VPS26B: variants seen among roughly 807,000 people sequenced by gnomAD.
The protein encoded by VPS26B is vacuolar protein sorting-associated protein 26B.
In VPS26B, 10 loss-of-function variants were observed where a neutral mutation model predicts 33.3. The ratio of observed to expected loss-of-function variants is 0.30; its 90% CI spans 0.19 to 0.51. The LOEUF is 0.51. Among genes scored for constraint, VPS26B ranks in the 20% least tolerant of loss-of-function variants. The pLI is 0.98. For missense variants in VPS26B, 317 were observed against 452.7 expected, an observed-to-expected ratio of 0.70 and a Z score of 2.72; for synonymous variants, 190 against 176.9, an observed-to-expected ratio of 1.07 and a Z score of -0.59.
chr11:134,243,196 ACAT>A lies in VPS26B; in HGVS notation c.629_631del (p.Ile210del). 1 of 1,614,212 alleles carries A rather than the reference ACAT, an allele frequency of 6.2e-7. No homozygotes were observed. The highest frequency in any genetic ancestry group is 8.5e-7 in the Non-Finnish European group (1 of 1,180,026). ...ATCAAAATCAAGCACATGGAGATAG[ACAT>A]CATCAAGCGAGAAACGACGGGTACA... On this transcript the variant is annotated inframe_deletion, in exon 4 of 6. Coordinates refer to ENST00000281187, the MANE Select transcript of VPS26B (RefSeq NM_052875.5).
Position 134,240,387 on chromosome 11 carries a change from G to A in VPS26B, c.545+232G>A, listed in dbSNP as rs60873000. ...AACTAAACCATATTCAACTAAGGTG[G>A]TGTCTTTAAGTTAAACATCCTATGA... On this transcript the variant is annotated intron_variant, in intron 3 of 5. Transcript: ENST00000281187. The surrounding 1 kb of genome is among the most constrained non-coding windows in gnomAD (Gnocchi z 4.4). Among the ~76,000 whole-genome samples the A allele has an allele frequency of 9.0e-3, 1,364 of 152,318 alleles. 25 individuals carry two copies. Among genetic ancestry groups the A allele is most frequent in the African/African-American group, 0.032 (1,310 of 41,568 alleles).
In VPS26B at chr11:134,245,934, C is replaced by T; in HGVS notation, c.*344C>T. ...CATCCTTGGCTCCTGGCTCTCTGAG[C>T]TTCCTGATACAGGATCTGAGCATGT... On this transcript the variant is annotated 3_prime_UTR_variant, in exon 6 of 6. Transcript: ENST00000281187. This position sits in a 1 kb window ranked among gnomAD's most constrained non-coding sequence, Gnocchi z 4.7. 1 of 254,728 alleles carries T rather than the reference C, an allele frequency of 3.9e-6. No individual in the cohort carries two copies. The highest frequency in any genetic ancestry group is 7.8e-6 in the Non-Finnish European group (1 of 128,712). The allele number at this position is 254,728 out of a possible 1,614,324, so 15.8% of individuals were successfully genotyped here. A position where few individuals can be genotyped will look rare whatever the true frequency, so the allele number is the denominator to read the frequency against.
chr11:134,245,810 G>C lies in VPS26B; in HGVS notation c.*220G>C, dbSNP rs938409324. ...GGGATTCTGCGGCCGATGTGGGATA[G>C]AAGAGGTAGCATCCTGGAAGCCAGC... On this transcript the variant is annotated 3_prime_UTR_variant, in exon 6 of 6. Coordinates refer to ENST00000281187, the MANE Select transcript of VPS26B (RefSeq NM_052875.5). The surrounding 1 kb of genome is among the most constrained non-coding windows in gnomAD (Gnocchi z 4.7). 2 of 596,410 alleles carry C rather than the reference G, an allele frequency of 3.4e-6. No homozygotes were observed. The highest frequency in any genetic ancestry group is 5.7e-6 in the Non-Finnish European group (2 of 351,862). The allele number at this position is 596,410 out of a possible 1,614,324, so 36.9% of individuals were successfully genotyped here.
intron 2 of VPS26B, chr11:134,239,529 G>C (rs1458236227): frequency 5.6e-6 from 1 of 180,010 alleles, no homozygotes; most frequent in African/African-American, 2.4e-5. Flanking sequence ...TTTATTGATT[G>C]AATATTGTTC....
Position 134,232,977 on chromosome 11 carries a change from G to C in VPS26B, c.224-1920G>C, listed in dbSNP as rs148389219. 1.1e-4 allele frequency among the ~76,000 whole-genome samples: 17 copies of C among 152,216 alleles called. No individual in the cohort carries two copies. In the East Asian group the frequency reaches 3.3e-3, roughly 29 times the overall value. On this transcript the variant is annotated intron_variant, in intron 1 of 5. Transcript: ENST00000281187. ...ATATACTTCTGACTTTTATTGGGGG[G>C]GCACAATTACTGGATTGCTCACTTT... is the stretch of plus-strand genomic sequence containing the variant.
rs550971165 is a variant in VPS26B, at chr11:134,225,006, C to G, written c.-117C>G. The G allele has an allele frequency of 9.6e-4, 920 of 962,622 alleles. 4 individuals carry two copies. In the African/African-American group the frequency reaches 0.015, roughly 15 times the overall value. 59.6% of individuals were successfully genotyped at this position (962,622 alleles called of 1,614,324 possible). On this transcript the variant is annotated 5_prime_UTR_variant, in exon 1 of 6. Coordinates refer to ENST00000281187, the MANE Select transcript of VPS26B (RefSeq NM_052875.5). ...GGCGGCAGCGGCGGAGCCAGGCAGC[C>G]CCGCGGCGGCCGAGCGCGCTCGCGC...
rs1171486621 is a variant in VPS26B at position 134,243,353 on chromosome 11, A to C, written c.721+59A>C. The C allele has an allele frequency of 2.5e-6, 4 of 1,589,292 alleles. No homozygotes were observed. In the African/African-American group the frequency reaches 4.0e-5, roughly 16 times the overall value. ...GCTTTTCTCCCATGTCCTGCACAGA[A>C]TTCTGGAGGGGCTTGAGGGATTACA... On this transcript the variant is annotated intron_variant, in intron 4 of 5. Transcript: ENST00000281187.
At chr11:134,238,008 A>G (rs1938658074) in intron 2 of VPS26B, among the ~76,000 whole-genome samples, 1 of 152,220 alleles carries the variant, frequency 6.6e-6, no homozygotes, top group Non-Finnish European at 1.5e-5. Flanking sequence ...GCCTTTAGCT[A>G]GAGGGAGATT....
Position 134,240,087 on chromosome 11 carries a change from C to T in VPS26B, c.477C>T (p.Asn159=), listed in dbSNP as rs200432612. The T allele has an allele frequency of 6.2e-7, 1 of 1,614,168 alleles. No individual in the cohort carries two copies. The highest frequency in any genetic ancestry group is 2.2e-5 in the East Asian group (1 of 44,886). The part of the protein sequence containing the change: ...VHTLSTYPEL[N]SSIKMEVGIE... ...CACTCAGCACATACCCAGAGCTGAA[C>T]TCTTCCATCAAGATGGAGGTTGGGA... is the stretch of plus-strand genomic sequence containing the variant. The change falls in exon 3 of 6, where the codon AAC becomes AAT. Residue 159 remains asparagine (N), a synonymous_variant. Coordinates refer to ENST00000281187, the MANE Select transcript of VPS26B (RefSeq NM_052875.5). The surrounding 1 kb of genome is among the most constrained non-coding windows in gnomAD (Gnocchi z 4.4).
Position 134,245,683 on chromosome 11 carries a change from A to G in VPS26B, c.*93A>G. ...GGCGGGGGCGGACCTTGTGAGGCTC[A>G]GTTGACCCGTTACTTGCAACCTGAA... On this transcript the variant is annotated 3_prime_UTR_variant, in exon 6 of 6. Transcript: ENST00000281187. The surrounding 1 kb of genome is among the most constrained non-coding windows in gnomAD (Gnocchi z 4.7). The G allele has an allele frequency of 7.0e-7, 1 of 1,424,988 alleles. No homozygotes were observed. Among genetic ancestry groups the G allele is most frequent in the Non-Finnish European group, 9.3e-7 (1 of 1,072,378 alleles). The allele number at this position is 1,424,988 out of a possible 1,614,324, so 88.3% of individuals were successfully genotyped here.
At chr11:134,239,640 A>G in intron 2 of VPS26B, 1 of 296,694 alleles carries the variant, frequency 3.4e-6, no homozygotes. Flanking sequence ...ATACATGGTC[A>G]GTAGTGGTAA....
At chr11:134,237,932 G>C (rs748326287) in intron 2 of VPS26B, among the ~76,000 whole-genome samples, 78 of 152,292 alleles carry the variant, frequency 5.1e-4, no homozygotes, top group Admixed American at 9.8e-4. Flanking sequence ...AGAGGGTAAG[G>C]CCTGGAGAGG....
intron 1 of VPS26B, among the ~76,000 whole-genome samples, chr11:134,234,273 C>T (rs1367516312): frequency 3.3e-5 from 5 of 152,238 alleles, no homozygotes; most frequent in African/African-American, 1.2e-4. Context: ...AGATACTGTT[C>T]TAAGTCTTTT....
rs1938781998 is a variant in VPS26B at position 134,244,606 on chromosome 11, A to C, written c.722-332A>C. 4.8e-6 allele frequency: 1 copy of C among 206,508 alleles called. No homozygotes were observed. The highest frequency in any genetic ancestry group is 9.7e-6 in the Non-Finnish European group (1 of 103,414). The allele number at this position is 206,508 out of a possible 1,614,324, so 12.8% of individuals were successfully genotyped here. On this transcript the variant is annotated intron_variant, in intron 4 of 5. Coordinates refer to ENST00000281187, the MANE Select transcript of VPS26B (RefSeq NM_052875.5). The surrounding 1 kb of genome is among the most constrained non-coding windows in gnomAD (Gnocchi z 4.0). The stretch of plus-strand genomic sequence containing the variant: ...CTGGGTGAAGTGGTGGCTTAACTGG[A>C]CTTTGACAGCTGCCTTTTGAAAACC...
At chr11:134,238,245 G>T (rs1197563537) in intron 2 of VPS26B, among the ~76,000 whole-genome samples, 2 of 152,184 alleles carry the variant, frequency 1.3e-5, no homozygotes. Flanking sequence ...GGGAGGAGAG[G>T]TCTTGAGAGG....
intron 3 of VPS26B, among the ~76,000 whole-genome samples, chr11:134,242,500 A>G (rs1030146195): frequency 1.3e-5 from 2 of 152,256 alleles, no homozygotes; most frequent in Non-Finnish European, 2.9e-5. Context: ...GGCTGTGCAC[A>G]TGTAGACTAT....
intron 1 of VPS26B, among the ~76,000 whole-genome samples, chr11:134,228,388 T>C (rs912320454): frequency 9.9e-5 from 15 of 151,462 alleles, no homozygotes; most frequent in Non-Finnish European, 1.8e-4. Context: ...GAGTTTGTGT[T>C]CCTGAAATAC....
At chr11:134,242,285 G>A (rs1404264249) in intron 3 of VPS26B, among the ~76,000 whole-genome samples, 3 of 152,156 alleles carry the variant, frequency 2.0e-5, no homozygotes, top group African/African-American at 7.2e-5. Context: ...CTCCAGCCTG[G>A]GGACTAGGAT....
At chr11:134,233,762 G>A (rs1313774814) in intron 1 of VPS26B, among the ~76,000 whole-genome samples, 1 of 152,084 alleles carries the variant, frequency 6.6e-6, no homozygotes, top group Non-Finnish European at 1.5e-5. Context: ...TGCAGGGCCA[G>A]GTTCTAGGAA....
Sources: gnomAD v4.1 joint callset for allele counts (sites outside exome capture counted in the v4.1 genomes callset) on GRCh38, gnomAD v4.1.1 for gene constraint, Gnocchi (gnomAD v3.1) non-coding constraint, MANE v1.5 for transcripts, NCBI Gene and HGNC (gene_info 2026-07-23, HGNC 2026-07-21) for gene names.